Variants in WDR47 observed in about 807,000 individuals in gnomAD.
The protein encoded by WDR47 is WD repeat domain 47, also known as WD repeat-containing protein 47.
In WDR47, 32 loss-of-function variants were observed where a neutral mutation model predicts 97.2. The ratio of observed to expected loss-of-function variants is 0.33; its 90% confidence interval spans 0.25 to 0.44. WDR47 has a LOEUF of 0.44. WDR47 is among the 20% of genes least tolerant of loss of function. The pLI, the probability that WDR47 is intolerant of heterozygous loss-of-function variation, is 1.00. For missense variants in WDR47, 782 were observed against 1,102.3 expected, an observed-to-expected ratio of 0.71 and a Z score of 4.11; for synonymous variants, 375 against 373.5, an observed-to-expected ratio of 1.00 and a Z score of -0.05.
intron 7 of WDR47, among the ~76,000 whole-genome samples, chr1:108,997,114 T>A (rs542414682): frequency 1.4e-4 from 19 of 140,358 alleles, no homozygotes; most frequent in African/African-American, 5.0e-4. Flanking sequence ...AGTCTCCATC[T>A]CCAAAAAAAA....
chr1:109,008,877 G>A (rs975403207), intron 5 of WDR47, among the ~76,000 whole-genome samples: 3 of 152,108 alleles, frequency 2.0e-5, no homozygotes, highest in Non-Finnish European at 2.9e-5. Context: ...CAAAGTGCTG[G>A]GATTACAGGC....
Position 109,023,333 on chromosome 1 carries a change from TCA to T in WDR47, c.158+20_158+21del. 6.2e-7 allele frequency: 1 copy of T among 1,606,406 alleles called. No homozygotes were observed. The highest frequency in any genetic ancestry group is 8.5e-7 in the Non-Finnish European group (1 of 1,176,648). On this transcript the variant is annotated intron_variant, in intron 2 of 14. Coordinates refer to ENST00000369962, the MANE Select transcript of WDR47 (RefSeq NM_001142551.2). The stretch of plus-strand genomic sequence containing the variant: ...CATTTCTTCGAAGGAGCTACAAACT[TCA>T]CAGTATAATGAAATCATACCTCAGG...
At chr1:108,974,007 A>G (rs1657687744) in intron 14 of WDR47, among the ~76,000 whole-genome samples, 1 of 152,200 alleles carries the variant, frequency 6.6e-6, no homozygotes. Context: ...CAGCCTGCGC[A>G]ACATGGCAAA....
At chr1:109,020,776 T>C (rs975861455) in intron 2 of WDR47, among the ~76,000 whole-genome samples, 2 of 152,042 alleles carry the variant, frequency 1.3e-5, no homozygotes, top group African/African-American at 4.8e-5. Context: ...ACACAAAATA[T>C]AGGGAAGTGC....
chr1:108,983,137 TAACTA>T (rs1571147225), intron 11 of WDR47, 140 bp downstream of exon 11: 1 of 885,968 alleles, frequency 1.1e-6, no homozygotes, highest in South Asian at 3.2e-5. Flanking sequence ...CTCATGAATG[TAACTA>T]AACAATTAGA....
rs189944161 is a variant in WDR47 at position 109,024,002 on chromosome 1, T to G, written c.-9-481A>C. On this transcript the variant is annotated intron_variant, in intron 1 of 14. Coordinates refer to ENST00000369962, the MANE Select transcript of WDR47 (RefSeq NM_001142551.2). ...TTGTCCCAGGTATGCTCTAATACAT[T>G]CACTCAATAAGTACTTAATGCCTTT... Among the ~76,000 whole-genome samples, 50 of 152,360 alleles carry G rather than the reference T, an allele frequency of 3.3e-4. 1 individual carries two copies. Among genetic ancestry groups the G allele is most frequent in the Non-Finnish European group, 5.4e-4 (37 of 68,036 alleles).
At chr1:109,022,984 C>A (rs573468906) in intron 2 of WDR47, among the ~76,000 whole-genome samples, 1 of 151,636 alleles carries the variant, frequency 6.6e-6, no homozygotes, top group Admixed American at 6.6e-5. Flanking sequence ...GTGGGCAGAT[C>A]ACGAGGTCAG....
chr1:109,009,547 A>G (rs1268912028), intron 5 of WDR47, among the ~76,000 whole-genome samples: 3 of 152,232 alleles, frequency 2.0e-5, no homozygotes, highest in African/African-American at 4.8e-5. Flanking sequence ...ATAAGGAGTT[A>G]AATTTGTGAT....
At chr1:109,021,896 G>A (rs535254058) in intron 2 of WDR47, among the ~76,000 whole-genome samples, 2 of 151,866 alleles carry the variant, frequency 1.3e-5, no homozygotes, top group African/African-American at 4.8e-5. Flanking sequence ...CGCCCAGGCT[G>A]GAGTACAGTG....
intron 5 of WDR47, among the ~76,000 whole-genome samples, chr1:109,010,026 T>C (rs1231630827): frequency 1.3e-5 from 2 of 151,426 alleles, no homozygotes; most frequent in Non-Finnish European, 2.9e-5. Flanking sequence ...CAAAAAAACA[T>C]ACTCATAGAA....
intron 1 of WDR47, among the ~76,000 whole-genome samples, chr1:109,032,305 G>C (rs149068502): frequency 0.047 from 6,415 of 135,698 alleles, 1,197 homozygotes; most frequent in Admixed American, 0.08. Flanking sequence ...AGGTCAGATC[G>C]AGACCATCCT....
intron 3 of WDR47, among the ~76,000 whole-genome samples, chr1:109,014,448 T>C (rs1257244352): frequency 6.6e-6 from 1 of 151,906 alleles, no homozygotes; most frequent in Non-Finnish European, 1.5e-5. Flanking sequence ...TTTTTTTTTT[T>C]TAGAGACAGA....
chr1:108,997,431 A>G lies in WDR47; in HGVS notation c.1434-1594T>C, dbSNP rs531458567. ...GCAACAAAGTGAGATCCCATCTCAG[A>G]AAAAAAAAAAAAGAAAAAGAAAAAA... On this transcript the variant is annotated intron_variant, in intron 7 of 14. Coordinates refer to ENST00000369962, the MANE Select transcript of WDR47 (RefSeq NM_001142551.2). 2.8e-5 allele frequency among the ~76,000 whole-genome samples: 4 copies of G among 144,136 alleles called. No individual in the cohort carries two copies. The South Asian group carries it at 6.5e-4, about 23-fold the overall frequency. The allele number at this position is 144,136 out of a possible 152,430, so 94.6% of individuals were successfully genotyped here. A position where few individuals can be genotyped will look rare whatever the true frequency, so the allele number is the denominator to read the frequency against.
intron 6 of WDR47, among the ~76,000 whole-genome samples, chr1:109,002,989 A>C (rs1660329343): frequency 6.6e-6 from 1 of 152,228 alleles, no homozygotes; most frequent in Non-Finnish European, 1.5e-5. Flanking sequence ...CTGAGTATCC[A>C]CCTAAAGGAA....
intron 1 of WDR47, among the ~76,000 whole-genome samples, chr1:109,027,944 CT>C (rs1180997903): frequency 6.6e-6 from 1 of 152,142 alleles, no homozygotes; most frequent in East Asian, 1.9e-4. Context: ...AAAGTTAGAA[CT>C]TTTCTCTAAT....
chr1:109,033,401 A>C (rs909719425), intron 1 of WDR47, among the ~76,000 whole-genome samples: 2 of 152,208 alleles, frequency 1.3e-5, no homozygotes, highest in Non-Finnish European at 2.9e-5. Flanking sequence ...AATGAGCAAA[A>C]AATATAGACA....
chr1:108,997,980 T>A (rs2101888367), intron 7 of WDR47, among the ~76,000 whole-genome samples: 1 of 152,238 alleles, frequency 6.6e-6, no homozygotes, highest in South Asian at 2.1e-4. Flanking sequence ...TTTATATTTT[T>A]AGGGTTTAAA....
chr1:109,011,643 T>A lies in WDR47; in HGVS notation c.403A>T (p.Ser135Cys), dbSNP rs1382756641. The stretch of plus-strand genomic sequence containing the variant: ...AAAGTCAAAAGCAAACAGAGCTTAC[T>A]ATAGTCATCTTTAGAAGGACAGTAT... The part of the protein sequence containing the change: ...EEYCPSKDDY[S>C]KLCLLLTLPR... The change falls in exon 5 of 15, where the codon AGT becomes TGT. Residue 135 changes from serine to cysteine, a missense_variant. Ser to Cys is a moderately radical substitution (Grantham distance 112). This residue lies in a region of WDR47 where 428 missense variants were observed against 584.3 expected (regional missense o/e 0.73). Coordinates refer to ENST00000369962, the MANE Select transcript of WDR47 (RefSeq NM_001142551.2). 1 of 1,614,086 alleles carries A rather than the reference T, an allele frequency of 6.2e-7. No individual in the cohort carries two copies. Among genetic ancestry groups the A allele is most frequent in the African/African-American group, 1.3e-5 (1 of 74,934 alleles).
chr1:109,021,818 C>T (rs1182857829), intron 2 of WDR47, among the ~76,000 whole-genome samples: 2 of 151,702 alleles, frequency 1.3e-5, no homozygotes, highest in African/African-American at 2.4e-5. Flanking sequence ...TAAGCCACCA[C>T]GCCTGGCCTT....
Sources: allele counts gnomAD v4.1 joint callset (sites outside exome capture counted in the v4.1 genomes callset), GRCh38; gene constraint gnomAD v4.1.1; regional missense constraint gnomAD v4.1.1; transcripts MANE v1.5; gene names NCBI Gene and HGNC (gene_info 2026-07-23, HGNC 2026-07-21).